The following WNK3 variants were observed in gnomAD, a reference collection of about 807,000 sequenced individuals.
WNK3 encodes WNK lysine deficient protein kinase 3.
In WNK3, 18 loss-of-function variants were observed where a neutral mutation model predicts 116.7. The ratio of observed to expected loss-of-function variants is 0.15; its 90% confidence interval spans 0.11 to 0.23. WNK3 has a LOEUF of 0.23. WNK3 is among the 10% of genes least tolerant of loss of function. The pLI is 1.00. For synonymous variants in WNK3, 404 were observed against 469.4 expected, an observed-to-expected ratio of 0.86 and a Z score of 1.80; for missense variants, 993 against 1,323.8, an observed-to-expected ratio of 0.75 and a Z score of 3.88.
rs181354681 is a variant in WNK3, at chrX:54,324,425, A to C, written c.537+8712T>G. Among the ~76,000 whole-genome samples the C allele has an allele frequency of 3.3e-3, 367 of 112,186 alleles. 1 individual carries two copies. Among genetic ancestry groups the C allele is most frequent in the Middle Eastern group, 0.018 (4 of 218 alleles). On this transcript the variant is annotated intron_variant, in intron 2 of 23. Transcript: ENST00000354646. ...TCAAGCAAATAATTAGCTCAAAACT[A>C]ACTCACTCAACTAACTGGGGAAATT...
At chrX:54,203,258 A>G (rs1008852928) in intron 22 of WNK3, among the ~76,000 whole-genome samples, 9 of 112,053 alleles carry the variant, frequency 8.0e-5, no homozygotes, top group African/African-American at 1.3e-4. Flanking sequence ...AAGTCTTTAC[A>G]TGATAATTGA....
chrX:54,259,046 G>T (rs1398708304), intron 11 of WNK3, among the ~76,000 whole-genome samples: 1 of 105,787 alleles, frequency 9.5e-6, no homozygotes, highest in Non-Finnish European at 1.9e-5. Flanking sequence ...AGAACAGAAT[G>T]GTATAAATAA....
chrX:54,308,470 G>T (rs782318889), intron 4 of WNK3, among the ~76,000 whole-genome samples: 15 of 111,753 alleles, frequency 1.3e-4, no homozygotes, highest in Non-Finnish European at 2.8e-4. Context: ...GATTACAGGC[G>T]TGGGCCACCA....
chrX:54,297,836 G>A (rs1312556875), intron 7 of WNK3, among the ~76,000 whole-genome samples: 3 of 111,368 alleles, frequency 2.7e-5, no homozygotes, highest in Non-Finnish European at 3.8e-5. Flanking sequence ...CACTTTGGGA[G>A]GCTGAGGTGG....
chrX:54,235,433 C>T (rs782492510), intron 20 of WNK3, among the ~76,000 whole-genome samples: 28 of 111,375 alleles, frequency 2.5e-4, no homozygotes, highest in Non-Finnish European at 3.6e-4. Flanking sequence ...ATTACAGGTG[C>T]GCGCCACCAC....
At chrX:54,289,367 G>T (rs1391764600) in intron 10 of WNK3, among the ~76,000 whole-genome samples, 10 of 110,860 alleles carry the variant, frequency 9.0e-5, no homozygotes, top group Admixed American at 4.9e-4. Flanking sequence ...ACAAAGGGCA[G>T]CTGCTCAGGA....
intron 17 of WNK3, among the ~76,000 whole-genome samples, chrX:54,241,003 G>T (rs1368478758): frequency 3.6e-5 from 4 of 111,572 alleles, no homozygotes; most frequent in African/African-American, 1.3e-4. Flanking sequence ...AACTGGTTGG[G>T]ATAACAAAGA....
At chrX:54,226,773 G>A (rs1170802257) in intron 22 of WNK3, among the ~76,000 whole-genome samples, 1 of 110,779 alleles carries the variant, frequency 9.0e-6, no homozygotes, top group East Asian at 2.8e-4. Context: ...CTGGGAGGCG[G>A]ACGTTGCAGT....
chrX:54,279,217 CA>C (rs1214547740), intron 10 of WNK3, among the ~76,000 whole-genome samples: 21 of 99,882 alleles, frequency 2.1e-4, no homozygotes, highest in Non-Finnish European at 1.6e-4. Context: ...AAGCACAATC[CA>C]AAAAAAAAAA....
At chrX:54,291,461 T>C (rs782152226) in intron 10 of WNK3, among the ~76,000 whole-genome samples, 74 of 112,427 alleles carry the variant, frequency 6.6e-4, no homozygotes, top group East Asian at 3.6e-3. Context: ...ATTTTGATAA[T>C]TAAATTTTTG....
chrX:54,322,104 A>G (rs2069044740), intron 2 of WNK3, among the ~76,000 whole-genome samples: 1 of 111,686 alleles, frequency 9.0e-6, no homozygotes, highest in Admixed American at 9.6e-5. Flanking sequence ...ACTGCTGATC[A>G]AAGATGTCCT....
chrX:54,289,530 C>A (rs1350535692), intron 10 of WNK3, among the ~76,000 whole-genome samples: 2 of 111,060 alleles, frequency 1.8e-5, no homozygotes, highest in African/African-American at 3.3e-5. Context: ...AGAACATAAT[C>A]CTGCTGAACA....
chrX:54,357,532 C>T (rs1299003829), intron 1 of WNK3, among the ~76,000 whole-genome samples, 154 bp downstream of exon 1: 1 of 110,521 alleles, frequency 9.0e-6, no homozygotes, highest in Admixed American at 9.6e-5. Context: ...TCGGTCAAGC[C>T]GCCCCCCGCT....
intron 10 of WNK3, among the ~76,000 whole-genome samples, chrX:54,272,087 T>C (rs782297348): frequency 1.8e-4 from 20 of 112,367 alleles, no homozygotes; most frequent in Non-Finnish European, 2.4e-4. Flanking sequence ...ATAAATACAA[T>C]ACTGTGCTAA....
Position 54,237,139 on chromosome X carries a change from G to A in WNK3, c.4427C>T (p.Ser1476Leu), listed in dbSNP as rs895003487. ...CTTTCCACTGCCAGCAAGACTGGCT[G>A]AAAATTCACTATCAGAGCTAGGCTG... Residue 1476 changes from serine (S) to leucine (L), a missense_variant, in exon 20 of 24, where the codon TCA (serine) becomes TTA (leucine). Physicochemically the swap from Ser to Leu is moderately radical, Grantham distance 145 (BLOSUM62 -2). Transcript: ENST00000354646. 4 of 1,210,490 alleles carry A rather than the reference G, an allele frequency of 3.3e-6. No homozygotes were observed. In the African/African-American group the frequency reaches 7.0e-5, roughly 21 times the overall value.
intron 1 of WNK3, among the ~76,000 whole-genome samples, chrX:54,356,433 C>T (rs1053648566): frequency 1.8e-5 from 2 of 111,464 alleles, no homozygotes; most frequent in Non-Finnish European, 3.8e-5. Flanking sequence ...GCCTCAGCCT[C>T]CCAAGTAGCT....
chrX:54,335,026 C>T (rs946182752), intron 1 of WNK3, among the ~76,000 whole-genome samples: 1 of 110,792 alleles, frequency 9.0e-6, no homozygotes, highest in Non-Finnish European at 1.9e-5. Context: ...TTTGGGAGGC[C>T]GAGGCGGGCA....
chrX:54,269,780 G>A (rs2068358665), intron 10 of WNK3, among the ~76,000 whole-genome samples: 2 of 110,367 alleles, frequency 1.8e-5, no homozygotes, highest in Non-Finnish European at 3.8e-5. Flanking sequence ...GAATCTCGGT[G>A]AACTTTCTAG....
chrX:54,346,696 G>A (rs187544766), intron 1 of WNK3, among the ~76,000 whole-genome samples: 75 of 110,324 alleles, frequency 6.8e-4, no homozygotes, highest in Admixed American at 3.2e-3. Context: ...AAGAGATTTC[G>A]GGCAAATTAG....
Sources: allele counts gnomAD v4.1 joint callset (sites outside exome capture counted in the v4.1 genomes callset), GRCh38; gene constraint gnomAD v4.1.1; transcripts MANE v1.5; gene names NCBI Gene and HGNC (gene_info 2026-07-23, HGNC 2026-07-21).